The following TAPBPL variants were observed in gnomAD, a reference collection of about 807,000 sequenced individuals.
TAPBPL encodes tapasin-related protein.
Under a neutral mutation model 44.8 loss-of-function variants are expected in TAPBPL, and 32 were observed. That is an observed-to-expected ratio of 0.71 (90% CI 0.54 to 0.96). The LOEUF (loss-of-function observed/expected upper bound fraction) is 0.96, where lower values mean the gene tolerates loss of function less well. Ranked by LOEUF, TAPBPL falls within the 40% of genes least tolerant of loss-of-function variation. The pLI is 0.00. For missense variants in TAPBPL, 520 were observed against 586.6 expected (o/e 0.89, Z 1.17); for synonymous variants, 230 against 240.7 (o/e 0.96, Z 0.41).
At chr12:6,462,700 G>C (rs1375218330), downstream of TAPBPL, 15 of 978,282 alleles carry the variant, frequency 1.5e-5, no homozygotes, top group Non-Finnish European at 2.3e-5. Context: ...CTCCAGGCTT[G>C]GGACACATCG....
intron 3 of TAPBPL, 86 bp from the exon 4 acceptor site, chr12:6,457,320 A>G: frequency 7.5e-7 from 1 of 1,331,416 alleles, no homozygotes; most frequent in Non-Finnish European, 1.0e-6. Flanking sequence ...AGGCAGGTGT[A>G]TGCCCACAAC....
chr12:6,458,529 A>C (rs1949759753), intron 4 of TAPBPL, 116 bp from the exon 5 acceptor site: 5 of 1,293,946 alleles, frequency 3.9e-6, no homozygotes, highest in African/African-American at 1.5e-5. Context: ...TACACCACCA[A>C]GGGACACTGT....
downstream of TAPBPL, chr12:6,470,876 G>A (rs1945760863): frequency 2.5e-6 from 1 of 408,074 alleles, no homozygotes; most frequent in Non-Finnish European, 4.5e-6. Flanking sequence ...GGATCCTTCA[G>A]TGATCAATGC....
chr12:6,462,248 G>C lies in TAPBPL; in HGVS notation c.*99G>C. The C allele has an allele frequency of 9.3e-7, 1 of 1,079,448 alleles. No homozygotes were observed. The allele number at this position is 1,079,448 out of a possible 1,614,324, so 66.9% of individuals were successfully genotyped here. Reference sequence around the variant, plus strand: ...AACAACCAAGCCAGTTTAATGGTAGGAATTTGTATTTTTTGCCTTTGTTCA... The same window carrying C: ...AACAACCAAGCCAGTTTAATGGTAGCAATTTGTATTTTTTGCCTTTGTTCA... On this transcript the variant is annotated 3_prime_UTR_variant, in exon 7 of 7. Coordinates refer to ENST00000266556, the MANE Select transcript of TAPBPL (RefSeq NM_018009.5).
At chr12:6,455,306 G>A (rs1199552676) in intron 3 of TAPBPL, among the ~76,000 whole-genome samples, 1 of 152,168 alleles carries the variant, frequency 6.6e-6, no homozygotes, top group East Asian at 1.9e-4. Context: ...TCCATAGCAT[G>A]TATTAGTTTA....
At chr12:6,461,968 G>A in intron 6 of TAPBPL, 66 bp from the exon 7 acceptor site, 1 of 1,341,272 alleles carries the variant, frequency 7.5e-7, no homozygotes, top group Non-Finnish European at 1.1e-6. Context: ...AGGCCTGAGG[G>A]AACCTGTGCT....
chr12:6,457,494 G>A lies in TAPBPL; in HGVS notation c.654G>A (p.Pro218=), dbSNP rs770923977. The change falls in exon 4 of 7, where the codon CCG becomes CCA. Residue 218 remains proline (P), a synonymous_variant. Coordinates refer to ENST00000266556, the MANE Select transcript of TAPBPL (RefSeq NM_018009.5). ...ASLDCGFSMA[P]GLDLISVEWR... Reference sequence around the variant, plus strand: ...TGGACTGTGGCTTCTCCATGGCACCGGGCTTGGACCTCATCAGTGTGGAGT... The same window carrying A: ...TGGACTGTGGCTTCTCCATGGCACCAGGCTTGGACCTCATCAGTGTGGAGT... 14 of 1,614,106 alleles carry A rather than the reference G, an allele frequency of 8.7e-6. No homozygotes were observed. The highest frequency in any genetic ancestry group is 3.3e-5 in the Admixed American group (2 of 60,006).
the TAPBPL span, among the ~76,000 whole-genome samples, chr12:6,472,000 C>T: frequency 2.0e-5 from 3 of 152,104 alleles, no homozygotes; most frequent in Non-Finnish European, 2.9e-5. This position sits in a 1 kb window ranked among gnomAD's most constrained non-coding sequence, Gnocchi z 4.0. Flanking sequence ...GGTAACTATC[C>T]CTAAAACTTC....
downstream of TAPBPL, among the ~76,000 whole-genome samples, chr12:6,465,651 C>T (rs181992688): frequency 6.6e-4 from 101 of 152,024 alleles, no homozygotes; most frequent in Admixed American, 3.6e-3. Context: ...TCTAAATACT[C>T]TAGCCTACCC....
chr12:6,463,009 G>A, downstream of TAPBPL: 1 of 1,549,264 alleles, frequency 6.5e-7, no homozygotes, highest in Non-Finnish European at 8.7e-7. The surrounding 1 kb of genome is among the most constrained non-coding windows in gnomAD (Gnocchi z 4.0). Context: ...AAGGGCCATG[G>A]GCATTCTCCG....
In TAPBPL at chr12:6,457,446, C is replaced by T. The variant is rs1473164710; in HGVS notation, c.606C>T (p.Phe202=). Reference sequence around the variant, plus strand: ...TGACACAGACCCAATCCCTGAGCTTCCTGCTGGGGTCCTCAGCCTCCTTGG... The same window carrying T: ...TGACACAGACCCAATCCCTGAGCTTTCTGCTGGGGTCCTCAGCCTCCTTGG... ...QVMTQTQSLS[F]LLGSSASLDC... Residue 202 remains phenylalanine (F), a synonymous_variant, in exon 4 of 7, where the codon TTC becomes TTT. Coordinates refer to ENST00000266556, the MANE Select transcript of TAPBPL (RefSeq NM_018009.5). The T allele has an allele frequency of 4.3e-6, 7 of 1,614,032 alleles. No homozygotes were observed. The highest frequency in any genetic ancestry group is 5.9e-6 in the Non-Finnish European group (7 of 1,179,994).
Position 6,458,850 on chromosome 12 carries a change from C to G in TAPBPL, c.1110C>G (p.Thr370=), listed in dbSNP as rs143334486. The G allele has an allele frequency of 3.1e-6, 5 of 1,614,174 alleles. No individual in the cohort carries two copies. The highest frequency in any genetic ancestry group is 4.2e-6 in the Non-Finnish European group (5 of 1,180,030). ...AGTYSISSSL[T]AEPGSAGATY... ...CCTACAGCATCTCCTCCTCTCTCAC[C>G]GCAGAACCTGGCTCTGCAGGTGCCA... Residue 370 remains threonine (T), a synonymous_variant, in exon 5 of 7, where the codon ACC becomes ACG. Coordinates refer to ENST00000266556, the MANE Select transcript of TAPBPL (RefSeq NM_018009.5).
At position 6,453,603 on chromosome 12, in the gene TAPBPL, G is replaced by A; in HGVS notation, c.452G>A (p.Gly151Glu). Residue 151 changes from glycine to glutamate, a missense_variant, in exon 3 of 7, where the codon GGG becomes GAG. Coordinates refer to ENST00000266556, the MANE Select transcript of TAPBPL (RefSeq NM_018009.5). The surrounding 1 kb of genome is among the most constrained non-coding windows in gnomAD (Gnocchi z 4.8). ...ATGGCCAACATGCAGGTCTCTGGAG[G>A]GGGACCTAGCATCTCCTTGGTGATG... ...WFMANMQVSG[G>E]GPSISLVMKT... The A allele has an allele frequency of 6.2e-7, 1 of 1,614,148 alleles. No individual in the cohort carries two copies. Among genetic ancestry groups the A allele is most frequent in the Admixed American group, 1.7e-5 (1 of 60,012 alleles).
chr12:6,468,123 G>C (rs73269432), downstream of TAPBPL, among the ~76,000 whole-genome samples: 1,631 of 152,306 alleles, frequency 0.011, 31 homozygotes, highest in African/African-American at 0.036. Flanking sequence ...ATGAGAAAAA[G>C]GTCACCATTC....
intron 5 of TAPBPL, 70 bp downstream of exon 5, chr12:6,459,017 A>G (rs942877537): frequency 6.5e-7 from 1 of 1,530,156 alleles, no homozygotes; most frequent in East Asian, 2.3e-5. Context: ...CAGCTCATCT[A>G]TGGCCTTGTT....
At chr12:6,463,373 C>A, downstream of TAPBPL, 1 of 1,088,930 alleles carries the variant, frequency 9.2e-7, no homozygotes, top group Non-Finnish European at 1.1e-6. This position sits in a 1 kb window ranked among gnomAD's most constrained non-coding sequence, Gnocchi z 4.0. Context: ...TCCTGAGGAT[C>A]GGCCGGGCCC....
chr12:6,468,810 G>A (rs983320400), downstream of TAPBPL, among the ~76,000 whole-genome samples: 9 of 152,150 alleles, frequency 5.9e-5, no homozygotes, highest in Non-Finnish European at 1.0e-4. Context: ...AGATGTTCTC[G>A]GCCAAGGAAG....
intron 1 of TAPBPL, chr12:6,452,668 C>T: frequency 4.1e-6 from 5 of 1,215,062 alleles, no homozygotes; most frequent in Non-Finnish European, 5.2e-6. Context: ...GAGGGGAAGG[C>T]TACCCGAAAT....
At position 6,452,085 on chromosome 12, in the gene TAPBPL, T is replaced by A; in HGVS notation, c.-164T>A. 3 of 802,570 alleles carry A rather than the reference T, an allele frequency of 3.7e-6. No homozygotes were observed. The highest frequency in any genetic ancestry group is 6.1e-6 in the Non-Finnish European group (3 of 493,260). 49.7% of individuals were successfully genotyped at this position (802,570 alleles called of 1,614,324 possible). A position where few individuals can be genotyped will look rare whatever the true frequency, so the allele number is the denominator to read the frequency against. On this transcript the variant is annotated 5_prime_UTR_variant, in exon 1 of 7. Coordinates refer to ENST00000266556, the MANE Select transcript of TAPBPL (RefSeq NM_018009.5). ...ACGCGGGCTGCCATCTTGCTCTAAG[T>A]GAAAGTGAAAGAAAAGTCGGCAGCA...
Sources: gnomAD v4.1 joint callset for allele counts (sites outside exome capture counted in the v4.1 genomes callset) on GRCh38, gnomAD v4.1.1 for gene constraint, Gnocchi (gnomAD v3.1) non-coding constraint, MANE v1.5 for transcripts, NCBI Gene and HGNC (gene_info 2026-07-23, HGNC 2026-07-21) for gene names.